GRIN2A: variants seen among roughly 807,000 people sequenced by gnomAD.
GRIN2A encodes glutamate receptor ionotropic, NMDA 2A.
GRIN2A carries 22 observed loss-of-function variants against 113.4 expected under a neutral mutation model. The ratio of observed to expected loss-of-function variants is 0.19; its 90% confidence interval spans 0.14 to 0.28. The LOEUF is 0.28. Ranked by LOEUF, GRIN2A falls within the 10% of genes least tolerant of loss-of-function variation. The pLI is 1.00. For missense variants in GRIN2A, 1,502 were observed against 1,887.0 expected, an observed-to-expected ratio of 0.80 and a Z score of 3.78; for synonymous variants, 827 against 738.4, an observed-to-expected ratio of 1.12 and a Z score of -1.94.
At chr16:10,099,825 C>A (rs1342061386) in intron 2 of GRIN2A, among the ~76,000 whole-genome samples, 2 of 152,128 alleles carry the variant, frequency 1.3e-5, no homozygotes, top group African/African-American at 4.8e-5. Flanking sequence ...TTCCAAACAC[C>A]AGTACTGAAA....
intron 2 of GRIN2A, among the ~76,000 whole-genome samples, chr16:10,017,298 C>T (rs1051419963): frequency 6.6e-6 from 1 of 151,660 alleles, no homozygotes; most frequent in Admixed American, 6.6e-5. Flanking sequence ...AATCATTACA[C>T]GTTGTTAAGT....
At chr16:9,808,617 A>C (rs2042026998) in intron 10 of GRIN2A, among the ~76,000 whole-genome samples, 1 of 152,194 alleles carries the variant, frequency 6.6e-6, no homozygotes, top group African/African-American at 2.4e-5. Context: ...ACAGGCTGAG[A>C]GAGGTTATTT....
intron 11 of GRIN2A, among the ~76,000 whole-genome samples, chr16:9,785,022 T>A (rs1227567382): frequency 2.6e-5 from 4 of 152,174 alleles, no homozygotes; most frequent in Non-Finnish European, 2.9e-5. Context: ...ATTGTGGAAG[T>A]CAGTGTGGCG....
chr16:9,901,777 T>C (rs970930420), intron 3 of GRIN2A, among the ~76,000 whole-genome samples: 2 of 152,190 alleles, frequency 1.3e-5, no homozygotes, highest in African/African-American at 4.8e-5. Context: ...ATCTTTATAT[T>C]AATCAATTAA....
chr16:9,833,903 A>T (rs1026541661), intron 8 of GRIN2A, among the ~76,000 whole-genome samples: 2 of 152,040 alleles, frequency 1.3e-5, no homozygotes, highest in African/African-American at 4.8e-5. Flanking sequence ...TATTTTTAGT[A>T]GAGATGGGTT....
intron 4 of GRIN2A, among the ~76,000 whole-genome samples, chr16:9,877,183 G>C (rs1330248195): frequency 6.6e-6 from 1 of 152,124 alleles, no homozygotes; most frequent in Non-Finnish European, 1.5e-5. Context: ...TATGAAATCA[G>C]AGACTCACTT....
intron 3 of GRIN2A, among the ~76,000 whole-genome samples, chr16:9,908,546 GGAAAA>G: frequency 6.6e-6 from 1 of 151,780 alleles, no homozygotes; most frequent in Non-Finnish European, 1.5e-5. Flanking sequence ...AGGAGAAAGA[GGAAAA>G]GAAGAGAAGT....
intron 2 of GRIN2A, among the ~76,000 whole-genome samples, chr16:9,950,794 G>A (rs79193508): frequency 0.017 from 2,628 of 152,276 alleles, 35 homozygotes; most frequent in Non-Finnish European, 0.023. Flanking sequence ...TTAAGCCTCC[G>A]TGTCCTAGGC....
At chr16:9,995,880 T>C (rs1195869617) in intron 2 of GRIN2A, among the ~76,000 whole-genome samples, 1 of 151,264 alleles carries the variant, frequency 6.6e-6, no homozygotes, top group Non-Finnish European at 1.5e-5. Context: ...GAGTCTAAGA[T>C]AATAACAGAG....
chr16:9,892,726 G>A (rs575616341), intron 3 of GRIN2A, among the ~76,000 whole-genome samples: 9 of 152,088 alleles, frequency 5.9e-5, no homozygotes, highest in South Asian at 2.1e-4. Flanking sequence ...CCCAGATTTC[G>A]GGTGAGAGGT....
intron 2 of GRIN2A, among the ~76,000 whole-genome samples, chr16:10,176,133 G>C (rs1051408925): frequency 6.6e-6 from 1 of 151,210 alleles, no homozygotes; most frequent in Non-Finnish European, 1.5e-5. Flanking sequence ...AGCCTCCTGA[G>C]TAGCTGGGAT....
At chr16:9,807,654 G>C (rs1224742143) in intron 10 of GRIN2A, among the ~76,000 whole-genome samples, 1 of 152,094 alleles carries the variant, frequency 6.6e-6, no homozygotes, top group Admixed American at 6.5e-5. Flanking sequence ...TCATTTTTCA[G>C]ATGAGGACAC....
At chr16:9,987,444 A>T (rs2046001281) in intron 2 of GRIN2A, among the ~76,000 whole-genome samples, 1 of 152,244 alleles carries the variant, frequency 6.6e-6, no homozygotes, top group Non-Finnish European at 1.5e-5. Flanking sequence ...AATTCCACCT[A>T]TTCACTAAGA....
At chr16:10,128,489 G>C (rs1044717062) in intron 2 of GRIN2A, among the ~76,000 whole-genome samples, 1 of 152,190 alleles carries the variant, frequency 6.6e-6, no homozygotes, top group Admixed American at 6.5e-5. Flanking sequence ...AGAATGTTGA[G>C]ATTGGCCAAA....
rs574369415 is a variant in GRIN2A at position 10,045,195 on chromosome 16, G to T, written c.415-106644C>A. 5.9e-5 allele frequency among the ~76,000 whole-genome samples: 9 copies of T among 152,288 alleles called. No individual in the cohort carries two copies. In the South Asian group the frequency reaches 1.2e-3, roughly 21 times the overall value. On this transcript the variant is annotated intron_variant, in intron 2 of 12. Coordinates refer to ENST00000330684, the MANE Select transcript of GRIN2A (RefSeq NM_001134407.3). ...TCACCAGGGTGCAGACATGATTCAA[G>T]GATTTCTGGTAAGATCTGGCCAGGA...
intron 4 of GRIN2A, among the ~76,000 whole-genome samples, chr16:9,874,413 C>G (rs2043325715): frequency 6.6e-6 from 1 of 152,186 alleles, no homozygotes; most frequent in South Asian, 2.1e-4. Flanking sequence ...TTGCATACAT[C>G]TCAGTGGGAT....
chr16:9,831,044 T>C (rs1298052801), intron 8 of GRIN2A, among the ~76,000 whole-genome samples: 1 of 152,184 alleles, frequency 6.6e-6, no homozygotes, highest in Non-Finnish European at 1.5e-5. Flanking sequence ...GACTGGGCCA[T>C]ATAACTTTTC....
intron 2 of GRIN2A, among the ~76,000 whole-genome samples, chr16:10,145,876 G>C (rs1097735): frequency 0.61 from 92,512 of 152,024 alleles, 28,593 homozygotes; most frequent in East Asian, 0.92. Flanking sequence ...TTATAGATCC[G>C]TAAAGTAGGT....
In GRIN2A at chr16:9,808,342, G is replaced by A. The variant is rs114604682; in HGVS notation, c.2169-9878C>T. Among the ~76,000 whole-genome samples, 600 of 152,200 alleles carry A rather than the reference G, an allele frequency of 3.9e-3. 2 individuals are homozygous for A. Among genetic ancestry groups the A allele is most frequent in the African/African-American group, 0.014 (563 of 41,516 alleles). On this transcript the variant is annotated intron_variant, in intron 10 of 12. Transcript: ENST00000330684. ...CCCAACACTGGATGTCACTGGAGTG[G>A]GAATTCGAATCCAGGATGCTTATCC...
Sources: allele counts gnomAD v4.1 joint callset (sites outside exome capture counted in the v4.1 genomes callset), GRCh38; gene constraint gnomAD v4.1.1; transcripts MANE v1.5; gene names NCBI Gene and HGNC (gene_info 2026-07-23, HGNC 2026-07-21).